Variants in PTPRF observed in about 807,000 individuals in gnomAD.
The protein encoded by PTPRF is receptor-type tyrosine-protein phosphatase F.
A neutral mutation model predicts 201.8 loss-of-function variants in PTPRF; 59 were observed. The observed-to-expected ratio is 0.29, with a 90% confidence interval of 0.24 to 0.36. The LOEUF (loss-of-function observed/expected upper bound fraction) is 0.36, where lower values mean the gene tolerates loss of function less well. PTPRF is among the 10% of genes least tolerant of loss of function. The pLI is 1.00. For missense variants in PTPRF, 2,132 were observed against 2,690.5 expected (o/e 0.79, Z 4.59); for synonymous variants, 1,088 against 1,089.7 (o/e 1.00, Z 0.03).
chr1:43,605,016 G>A lies in PTPRF; in HGVS notation c.3135+16G>A, dbSNP rs770971371. ...GCCCTTTAAGGTGAGTAAGGGCCAC[G>A]GCCAGCTGAGCCTGGCACACACACA... On this transcript the variant is annotated intron_variant, in intron 17 of 33. Coordinates refer to ENST00000359947, the MANE Select transcript of PTPRF (RefSeq NM_002840.5). The A allele has an allele frequency of 1.8e-5, 29 of 1,611,366 alleles. No individual in the cohort carries two copies. The highest frequency in any genetic ancestry group is 1.4e-4 in the South Asian group (13 of 90,986).
At chr1:43,579,422 C>G (rs1647167446) in intron 7 of PTPRF, 5 of 353,928 alleles carry the variant, frequency 1.4e-5, no homozygotes, top group South Asian at 1.1e-4. Context: ...TGAGCCTATC[C>G]TCTGGCCAGG....
intron 1 of PTPRF, among the ~76,000 whole-genome samples, chr1:43,535,886 C>T (rs1201602877): frequency 6.6e-6 from 1 of 152,166 alleles, no homozygotes; most frequent in Non-Finnish European, 1.5e-5. Context: ...GTGATCCTCC[C>T]ACCTCAGCCT....
At position 43,530,930 on chromosome 1, in the gene PTPRF, CGGCTCG is replaced by C. The variant is rs1157318320; in HGVS notation, c.-274_-269del. 2.6e-5 allele frequency: 4 copies of C among 151,196 alleles called. No individual in the cohort carries two copies. The highest frequency in any genetic ancestry group is 7.8e-5 in the African/African-American group (3 of 38,418). 9.4% of individuals were successfully genotyped at this position (151,196 alleles called of 1,614,324 possible). ...GAGGCGGCGGCTCCAGCTTCGGCTCCGGCTCGGGCTCGGGCTCCGGCTCCGGCTCCG... is the reference window on the plus strand; with the variant it reads ...GAGGCGGCGGCTCCAGCTTCGGCTCCGGCTCGGGCTCCGGCTCCGGCTCCG... On this transcript the variant is annotated 5_prime_UTR_variant, in exon 1 of 34. Transcript: ENST00000359947. This position sits in a 1 kb window ranked among gnomAD's most constrained non-coding sequence, Gnocchi z 4.1.
intron 1 of PTPRF, among the ~76,000 whole-genome samples, chr1:43,533,631 C>T (rs1643828085): frequency 6.6e-6 from 1 of 152,160 alleles, no homozygotes; most frequent in Non-Finnish European, 1.5e-5. Flanking sequence ...GGTAGCTAAT[C>T]CAACCCGGAC....
At chr1:43,545,298 C>G (rs1644590738) in intron 3 of PTPRF, 132 bp downstream of exon 3, 1 of 912,320 alleles carries the variant, frequency 1.1e-6, no homozygotes, top group Non-Finnish European at 1.6e-6. Flanking sequence ...ACCTTCTGTC[C>G]TAGAGAGCCC....
At chr1:43,571,132 C>T (rs1336126385) in intron 6 of PTPRF, among the ~76,000 whole-genome samples, 2 of 152,194 alleles carry the variant, frequency 1.3e-5, no homozygotes, top group African/African-American at 4.8e-5. Flanking sequence ...CCTTCCTTGC[C>T]TATCACTCCA....
intron 22 of PTPRF, among the ~76,000 whole-genome samples, chr1:43,612,285 G>A (rs551339391): frequency 1.5e-4 from 23 of 152,276 alleles, no homozygotes; most frequent in Non-Finnish European, 2.1e-4. Flanking sequence ...GCAAGTGGGG[G>A]CTGAGAAAGT....
chr1:43,617,412 C>G (rs777503292), intron 23 of PTPRF, 33 bp from the exon 24 acceptor site: 2 of 1,613,438 alleles, frequency 1.2e-6, no homozygotes, highest in Non-Finnish European at 1.7e-6. Flanking sequence ...TTGGCTCTTA[C>G]CCCACCCCAC....
chr1:43,587,322 G>C (rs760646775), intron 7 of PTPRF, among the ~76,000 whole-genome samples: 3 of 152,202 alleles, frequency 2.0e-5, no homozygotes, highest in Non-Finnish European at 4.4e-5. Flanking sequence ...CAGCAACTCA[G>C]GGAAGGATGA....
At position 43,583,381 on chromosome 1, in the gene PTPRF, T is replaced by C. The variant is rs1320347887; in HGVS notation, c.679+4461T>C. On this transcript the variant is annotated intron_variant, in intron 7 of 33. Coordinates refer to ENST00000359947, the MANE Select transcript of PTPRF (RefSeq NM_002840.5). ...GTGGGCATGCTGCATGGCATGAAACTGTACCCCACCTTTGCACCCAGGCCG... is the reference window on the plus strand; with the variant it reads ...GTGGGCATGCTGCATGGCATGAAACCGTACCCCACCTTTGCACCCAGGCCG... 2.6e-5 allele frequency among the ~76,000 whole-genome samples: 4 copies of C among 152,300 alleles called. No individual in the cohort carries two copies. The East Asian group carries it at 7.7e-4, about 29-fold the overall frequency.
chr1:43,564,413 G>A (rs954529405), intron 5 of PTPRF, among the ~76,000 whole-genome samples: 1 of 152,186 alleles, frequency 6.6e-6, no homozygotes, highest in African/African-American at 2.4e-5. Flanking sequence ...GTCTCCAGGC[G>A]CACGTGTTTT....
chr1:43,534,810 C>T (rs1288357621), intron 1 of PTPRF, among the ~76,000 whole-genome samples: 2 of 152,090 alleles, frequency 1.3e-5, no homozygotes, highest in Admixed American at 1.3e-4. Flanking sequence ...GTGAAGAGCT[C>T]GAGTTTTATA....
At chr1:43,610,315 A>T (rs1473745679) in intron 22 of PTPRF, among the ~76,000 whole-genome samples, 1 of 152,238 alleles carries the variant, frequency 6.6e-6, no homozygotes, top group Admixed American at 6.5e-5. Context: ...ATGCATACAC[A>T]CAGGGTTTGT....
At position 43,545,012 on chromosome 1, in the gene PTPRF, G is replaced by A. The variant is rs892938910; in HGVS notation, c.-45-19G>A. 2.1e-6 allele frequency: 3 copies of A among 1,422,396 alleles called. No homozygotes were observed. Among genetic ancestry groups the A allele is most frequent in the Middle Eastern group, 3.5e-4 (2 of 5,644 alleles). The allele number at this position is 1,422,396 out of a possible 1,614,324, so 88.1% of individuals were successfully genotyped here. A position where few individuals can be genotyped will look rare whatever the true frequency, so the allele number is the denominator to read the frequency against. ...CAGTAAATACCAGCTAACTGGCTCT[G>A]CCCTTCTCTCCATTACAGGTTGATT... On this transcript the variant is annotated intron_variant, in intron 2 of 33. Coordinates refer to ENST00000359947, the MANE Select transcript of PTPRF (RefSeq NM_002840.5).
In PTPRF at chr1:43,588,590, G is replaced by C; in HGVS notation, c.680-141G>C. Reference sequence around the variant, plus strand: ...GGGGTGGGAGTGGATGATGAGCTGGGGTCTGGCGGTGCCACCCCTCCTGTC... The same window carrying C: ...GGGGTGGGAGTGGATGATGAGCTGGCGTCTGGCGGTGCCACCCCTCCTGTC... On this transcript the variant is annotated intron_variant, in intron 7 of 33. Coordinates refer to ENST00000359947, the MANE Select transcript of PTPRF (RefSeq NM_002840.5). This position sits in a 1 kb window ranked among gnomAD's most constrained non-coding sequence, Gnocchi z 5.3. 1 of 1,100,754 alleles carries C rather than the reference G, an allele frequency of 9.1e-7. No individual in the cohort carries two copies. Among genetic ancestry groups the C allele is most frequent in the South Asian group, 1.6e-5 (1 of 61,876 alleles). The allele number at this position is 1,100,754 out of a possible 1,614,324, so 68.2% of individuals were successfully genotyped here.
upstream of PTPRF, among the ~76,000 whole-genome samples, chr1:43,528,062 C>T (rs916417284): frequency 6.6e-6 from 1 of 152,234 alleles, no homozygotes; most frequent in Non-Finnish European, 1.5e-5. Flanking sequence ...CTGCTGTCCA[C>T]AGGTCAGGGA....
chr1:43,556,460 C>T (rs998483693), intron 5 of PTPRF, among the ~76,000 whole-genome samples: 5 of 152,188 alleles, frequency 3.3e-5, no homozygotes, highest in African/African-American at 1.2e-4. Flanking sequence ...CGGGGTTTCA[C>T]CATGTTGGCC....
At chr1:43,608,542 A>G (rs746846354) in intron 21 of PTPRF, among the ~76,000 whole-genome samples, 10 of 151,968 alleles carry the variant, frequency 6.6e-5, no homozygotes, top group Non-Finnish European at 1.0e-4. Flanking sequence ...TGCCAGTTCA[A>G]CTCTGCAGAG....
Position 43,604,942 on chromosome 1 carries a change from C to G in PTPRF, c.3077C>G (p.Thr1026Arg), listed in dbSNP as rs752333602. The part of the protein sequence containing the change: ...KNFRVAAAMK[T>R]SVLLSWEVPD... ...TTCCGGGTGGCGGCTGCAATGAAGACGTCTGTGCTGCTCAGCTGGGAGGTT... is the reference window on the plus strand; with the variant it reads ...TTCCGGGTGGCGGCTGCAATGAAGAGGTCTGTGCTGCTCAGCTGGGAGGTT... The change falls in exon 17 of 34, where the codon ACG becomes AGG. Residue 1026 changes from threonine (T) to arginine (R), a missense_variant. By Grantham distance (71) the Thr-to-Arg change is moderately conservative. Transcript: ENST00000359947. The G allele has an allele frequency of 1.2e-6, 2 of 1,614,070 alleles. No homozygotes were observed. Among genetic ancestry groups the G allele is most frequent in the African/African-American group, 2.7e-5 (2 of 74,940 alleles).
Sources: gnomAD v4.1 joint callset for allele counts (sites outside exome capture counted in the v4.1 genomes callset) on GRCh38, gnomAD v4.1.1 for gene constraint, Gnocchi (gnomAD v3.1) non-coding constraint, MANE v1.5 for transcripts, NCBI Gene and HGNC (gene_info 2026-07-23, HGNC 2026-07-21) for gene names.